Variants in CPT1A observed in about 807,000 individuals in gnomAD.
The protein encoded by CPT1A is carnitine palmitoyltransferase 1A.
Under a neutral mutation model 100.8 loss-of-function variants are expected in CPT1A, and 64 were observed. The observed-to-expected ratio is 0.63, with a 90% CI of 0.52 to 0.78. The LOEUF (loss-of-function observed/expected upper bound fraction) is 0.78. Ranked by LOEUF, CPT1A falls within the 30% of genes least tolerant of loss-of-function variation. CPT1A has a pLI of 0.00. For missense variants in CPT1A, 802 were observed against 1,034.1 expected (o/e 0.78, Z 3.08); for synonymous variants, 363 against 396.0 (o/e 0.92, Z 0.99).
At chr11:68,808,158 C>T (rs143666840) in intron 3 of CPT1A, among the ~76,000 whole-genome samples, 2 of 152,268 alleles carry the variant, frequency 1.3e-5, no homozygotes, top group East Asian at 1.9e-4. Context: ...TAGATGTAAT[C>T]GTAATCTCAA....
intron 15 of CPT1A, among the ~76,000 whole-genome samples, chr11:68,762,005 G>A (rs992051918): frequency 1.3e-5 from 2 of 152,130 alleles, no homozygotes; most frequent in African/African-American, 4.8e-5. Context: ...ACGCTCTGGG[G>A]ATCAGCAGAA....
intron 1 of CPT1A, among the ~76,000 whole-genome samples, chr11:68,824,595 T>G (rs925454404): frequency 3.3e-5 from 5 of 152,210 alleles, no homozygotes; most frequent in African/African-American, 1.2e-4. Flanking sequence ...AGACAGAGTC[T>G]CGCTCTGCTG....
chr11:68,759,805 G>A (rs895680036), intron 17 of CPT1A, 144 bp from the exon 18 acceptor site: 2 of 710,684 alleles, frequency 2.8e-6, no homozygotes, highest in Middle Eastern at 2.4e-4. Flanking sequence ...AGGCAGGCGG[G>A]TCACTTGAGC....
chr11:68,836,092 G>A (rs1218987032), intron 1 of CPT1A, among the ~76,000 whole-genome samples: 3 of 152,146 alleles, frequency 2.0e-5, no homozygotes, highest in Admixed American at 1.3e-4. Flanking sequence ...TTCTGACTTC[G>A]ATGTATACCT....
rs1045573348 is a variant in CPT1A at position 68,758,642 on chromosome 11, G to A, written c.2236-912C>T. Among the ~76,000 whole-genome samples the A allele has an allele frequency of 6.3e-5, 9 of 142,918 alleles. No homozygotes were observed. In the East Asian group the frequency reaches 1.0e-3, roughly 16 times the overall value. The allele number at this position is 142,918 out of a possible 152,430, so 93.8% of individuals were successfully genotyped here. On this transcript the variant is annotated intron_variant, in intron 18 of 18. Coordinates refer to ENST00000265641, the MANE Select transcript of CPT1A (RefSeq NM_001876.4). ...TTTTTTTTTTTTTTTTTTCTGAGAC[G>A]GAGTCTCACTCCATCACCCAGGCTG...
chr11:68,758,840 ACTC>A (rs140530687), intron 18 of CPT1A, among the ~76,000 whole-genome samples: 9,723 of 151,362 alleles, frequency 0.064, 344 homozygotes, highest in Middle Eastern at 0.14. Context: ...ATGGTTTCAA[ACTC>A]CTCACCTCAA....
intron 1 of CPT1A, among the ~76,000 whole-genome samples, chr11:68,831,838 G>A (rs537886057): frequency 5.9e-5 from 9 of 152,070 alleles, no homozygotes; most frequent in Admixed American, 5.2e-4. Flanking sequence ...TTACCATGTT[G>A]ACCAGGCTGG....
At chr11:68,764,633 C>T (rs1176093320) in intron 14 of CPT1A, among the ~76,000 whole-genome samples, 1 of 152,202 alleles carries the variant, frequency 6.6e-6, no homozygotes, top group African/African-American at 2.4e-5. Flanking sequence ...CACACAGGCC[C>T]AGCTGAAGTC....
intron 1 of CPT1A, among the ~76,000 whole-genome samples, chr11:68,833,540 T>A: frequency 6.6e-6 from 1 of 152,202 alleles, no homozygotes; most frequent in East Asian, 1.9e-4. Flanking sequence ...GCGGATCACC[T>A]GAGGCCAGGA....
rs1000644238 is a variant in CPT1A at position 68,841,623 on chromosome 11, G to A, written c.-14+152C>T. Among the ~76,000 whole-genome samples, 1 of 152,110 alleles carries A rather than the reference G, an allele frequency of 6.6e-6. No homozygotes were observed. The highest frequency in any genetic ancestry group is 1.5e-5 in the Non-Finnish European group (1 of 67,996). Reference sequence around the variant, plus strand: ...GGATCTCCACAACCCCGCCGTCCGGGGGGAATACCGGGGTTCCTCTCGGCG... The same window carrying A: ...GGATCTCCACAACCCCGCCGTCCGGAGGGAATACCGGGGTTCCTCTCGGCG... On this transcript the variant is annotated intron_variant, in intron 1 of 18. Coordinates refer to ENST00000265641, the MANE Select transcript of CPT1A (RefSeq NM_001876.4). The surrounding 1 kb of genome is among the most constrained non-coding windows in gnomAD (Gnocchi z 6.3).
chr11:68,840,353 C>T (rs557996519), intron 1 of CPT1A, among the ~76,000 whole-genome samples: 1 of 152,300 alleles, frequency 6.6e-6, no homozygotes, highest in East Asian at 1.9e-4. Context: ...TTTTTATTCA[C>T]TTGGTTTGTG....
chr11:68,789,372 TTGCACG>T (rs1200784216), intron 9 of CPT1A, among the ~76,000 whole-genome samples: 1 of 152,062 alleles, frequency 6.6e-6, no homozygotes, highest in Non-Finnish European at 1.5e-5. Flanking sequence ...ACGAATGGCA[TTGCACG>T]TGCTCATATA....
intron 9 of CPT1A, among the ~76,000 whole-genome samples, chr11:68,786,691 G>A (rs1367185717): frequency 6.6e-6 from 1 of 152,156 alleles, no homozygotes. Context: ...ACCACACCTG[G>A]CTAATTTTTG....
chr11:68,808,270 T>C (rs1469922713), intron 3 of CPT1A, among the ~76,000 whole-genome samples: 1 of 151,936 alleles, frequency 6.6e-6, no homozygotes, highest in Non-Finnish European at 1.5e-5. Context: ...TGTAAAACGG[T>C]CATGTAAATA....
intron 1 of CPT1A, among the ~76,000 whole-genome samples, chr11:68,821,850 C>G (rs939700692): frequency 6.6e-6 from 1 of 152,094 alleles, no homozygotes; most frequent in African/African-American, 2.4e-5. Context: ...ATGTATCCCC[C>G]CAAGGATAAG....
At chr11:68,823,919 G>A (rs1856653697) in intron 1 of CPT1A, among the ~76,000 whole-genome samples, 1 of 151,966 alleles carries the variant, frequency 6.6e-6, no homozygotes, top group African/African-American at 2.4e-5. Flanking sequence ...ACCTATAAGT[G>A]GCAGCTAAAC....
chr11:68,773,959 A>T, intron 13 of CPT1A: 1 of 188,340 alleles, frequency 5.3e-6, no homozygotes, highest in South Asian at 1.1e-4. Flanking sequence ...GCATGCGCAC[A>T]ACTCCAGTAA....
At chr11:68,795,808 G>A (rs190561040) in intron 7 of CPT1A, among the ~76,000 whole-genome samples, 130 of 152,034 alleles carry the variant, frequency 8.6e-4, no homozygotes, top group African/African-American at 3.0e-3. Context: ...TACTCGGGAG[G>A]CTGAGGCAGG....
At chr11:68,800,467 CAG>C (rs1203428667) in intron 5 of CPT1A, among the ~76,000 whole-genome samples, 1 of 135,174 alleles carries the variant, frequency 7.4e-6, no homozygotes, top group African/African-American at 2.8e-5. Flanking sequence ...CCCTGGGCAA[CAG>C]AGTGAGACCC....
Sources: gnomAD v4.1 joint callset for allele counts (sites outside exome capture counted in the v4.1 genomes callset) on GRCh38, gnomAD v4.1.1 for gene constraint, Gnocchi (gnomAD v3.1) non-coding constraint, MANE v1.5 for transcripts, NCBI Gene and HGNC (gene_info 2026-07-23, HGNC 2026-07-21) for gene names.